CNOT1: variants seen among roughly 807,000 people sequenced by gnomAD.
CNOT1 encodes CCR4-NOT transcription complex subunit 1, also known as CCR4-associated factor 1.
A neutral mutation model predicts 273.8 loss-of-function variants in CNOT1; 15 were observed. The observed-to-expected ratio is 0.05, with a 90% CI of 0.04 to 0.08. The LOEUF (loss-of-function observed/expected upper bound fraction) is 0.08, where lower values mean the gene tolerates loss of function less well. Ranked by LOEUF, CNOT1 falls within the 10% of genes least tolerant of loss-of-function variation. The pLI is 1.00. For synonymous variants in CNOT1, 1,022 were observed against 1,005.5 expected, an observed-to-expected ratio of 1.02 and a Z score of -0.31; for missense variants, 1,644 against 2,912.2, an observed-to-expected ratio of 0.56 and a Z score of 10.02.
chr16:58,592,793 G>C (rs2042108835), intron 2 of CNOT1, among the ~76,000 whole-genome samples: 1 of 152,000 alleles, frequency 6.6e-6, no homozygotes, highest in South Asian at 2.1e-4. Context: ...TCCATTTAGA[G>C]ACCCACATCA....
chr16:58,586,454 GGGTGA>G (rs1281394156), intron 7 of CNOT1, 86 bp downstream of exon 7: 15 of 368,114 alleles, frequency 4.1e-5, no homozygotes, highest in Admixed American at 1.2e-4. Flanking sequence ...GAGGAGGGGA[GGGTGA>G]GGGGAGGGGA....
chr16:58,543,578 T>A, intron 31 of CNOT1, 29 bp downstream of exon 31: 1 of 1,614,146 alleles, frequency 6.2e-7, no homozygotes, highest in South Asian at 1.1e-5. Flanking sequence ...ATACGTTTTG[T>A]ACCTATACCA....
At chr16:58,539,284 A>C (rs752032007) in intron 35 of CNOT1, among the ~76,000 whole-genome samples, 1 of 152,074 alleles carries the variant, frequency 6.6e-6, no homozygotes, top group Non-Finnish European at 1.5e-5. Flanking sequence ...ACTTGAGCCC[A>C]GGAGATTGAG....
chr16:58,604,695 G>A (rs186129081), intron 1 of CNOT1, among the ~76,000 whole-genome samples: 2 of 151,216 alleles, frequency 1.3e-5, no homozygotes, highest in East Asian at 3.9e-4. Context: ...TACTTGGGAG[G>A]CTGAGGCAGA....
intron 1 of CNOT1, among the ~76,000 whole-genome samples, chr16:58,603,117 GATC>G (rs1174802127): frequency 6.6e-6 from 1 of 152,158 alleles, no homozygotes; most frequent in Non-Finnish European, 1.5e-5. Flanking sequence ...CTATGATAAG[GATC>G]ATCATATCTC....
chr16:58,582,381 G>A (rs983422525), intron 10 of CNOT1, among the ~76,000 whole-genome samples: 5 of 152,174 alleles, frequency 3.3e-5, no homozygotes, highest in Non-Finnish European at 7.3e-5. Flanking sequence ...AAAGGTGGGA[G>A]GATCACTAAC....
rs114432487 is a variant in CNOT1 at position 58,619,778 on chromosome 16, G to A, written c.-175+9950C>T. ...AAAAATTCAAATCTTGTTTCTAGTC[G>A]TCCAAAAAACTGCTGGGAAAAAAAC... On this transcript the variant is annotated intron_variant, in intron 1 of 48. Coordinates refer to ENST00000317147, the MANE Select transcript of CNOT1 (RefSeq NM_016284.5). Among the ~76,000 whole-genome samples the A allele has an allele frequency of 4.8e-3, 727 of 152,038 alleles. 10 individuals carry two copies. Among genetic ancestry groups the A allele is most frequent in the African/African-American group, 0.017 (687 of 41,460 alleles).
rs111343095 is a variant in CNOT1, at chr16:58,574,924, G to A, written c.1827+83C>T. The A allele has an allele frequency of 5.3e-4, 830 of 1,576,076 alleles. 5 individuals carry two copies. The African/African-American group carries it at 1.0e-2, about 19-fold the overall frequency. On this transcript the variant is annotated intron_variant, in intron 15 of 48. Transcript: ENST00000317147. Reference sequence around the variant, plus strand: ...AATTTTTCTTTAGTTTATTACTGCTGCACAAATTTTAAAAGTTGTACTTGA... The same window carrying A: ...AATTTTTCTTTAGTTTATTACTGCTACACAAATTTTAAAAGTTGTACTTGA...
At chr16:58,588,693 C>A (rs190519716) in intron 3 of CNOT1, 106 bp downstream of exon 3, 1 of 99,042 alleles carries the variant, frequency 1.0e-5, no homozygotes, top group Non-Finnish European at 1.5e-5. Flanking sequence ...CAGCTACAAT[C>A]ACTTCCGGAT....
intron 1 of CNOT1, among the ~76,000 whole-genome samples, chr16:58,611,704 C>G (rs2042906631): frequency 6.6e-6 from 1 of 151,656 alleles, no homozygotes; most frequent in Non-Finnish European, 1.5e-5. Context: ...ATCTGCAGTC[C>G]CAGCTACTCA....
chr16:58,566,923 GC>G (rs977269630), intron 16 of CNOT1, among the ~76,000 whole-genome samples: 18 of 152,168 alleles, frequency 1.2e-4, no homozygotes, highest in African/African-American at 4.1e-4. Flanking sequence ...GAGCCACCGC[GC>G]CCAGCCTAGT....
At position 58,542,586 on chromosome 16, in the gene CNOT1, T is replaced by TG. The variant is rs541944100; in HGVS notation, c.4435-19dup. The TG allele has an allele frequency of 0.05, 2,681 of 53,174 alleles. 9 individuals are homozygous for TG. Among genetic ancestry groups the TG allele is most frequent in the Non-Finnish European group, 0.071 (2,343 of 32,884 alleles). The allele number at this position is 53,174 out of a possible 1,614,324, so 3.3% of individuals were successfully genotyped here. The stretch of plus-strand genomic sequence containing the variant: ...GAAGCAGTCTATTAATGGAGGTGGG[T>TG]GGGGGGGTGGGGGGAATAGAAGGAA... On this transcript the variant is annotated intron_variant, in intron 31 of 48. Transcript: ENST00000317147.
chr16:58,559,949 G>A (rs772923004), intron 17 of CNOT1: 4 of 952,630 alleles, frequency 4.2e-6, no homozygotes, highest in East Asian at 7.0e-5. Context: ...AAGAGTCTAC[G>A]TAATTCATAT....
chr16:58,554,086 A>G (rs567986852), intron 21 of CNOT1, among the ~76,000 whole-genome samples: 39 of 152,324 alleles, frequency 2.6e-4, no homozygotes, highest in Admixed American at 2.4e-3. Context: ...TTTAAAGGCT[A>G]TATTTTACTT....
chr16:58,520,377 T>C lies in CNOT1; in HGVS notation c.*581A>G, dbSNP rs2039328802. On this transcript the variant is annotated 3_prime_UTR_variant, in exon 49 of 49. Transcript: ENST00000317147. ...AAATGCAGTCAGCTTTGGAATACGTTTGGGTAGAGACAAAATGGAAACTCA... is the reference window on the plus strand; with the variant it reads ...AAATGCAGTCAGCTTTGGAATACGTCTGGGTAGAGACAAAATGGAAACTCA... The C allele has an allele frequency of 6.5e-6, 1 of 154,114 alleles. No individual in the cohort carries two copies. The highest frequency in any genetic ancestry group is 2.0e-4 in the South Asian group (1 of 4,934). 9.5% of individuals were successfully genotyped at this position (154,114 alleles called of 1,614,324 possible).
intron 25 of CNOT1, 41 bp downstream of exon 25, chr16:58,549,678 T>C (rs1343685032): frequency 3.9e-6 from 6 of 1,553,960 alleles, no homozygotes; most frequent in African/African-American, 2.8e-5. Flanking sequence ...ATTTCCAAAT[T>C]CAAAGCAATA....
intron 1 of CNOT1, among the ~76,000 whole-genome samples, chr16:58,602,584 C>CAAAAAAA (rs2042514251): frequency 7.7e-6 from 1 of 129,138 alleles, no homozygotes; most frequent in African/African-American, 3.0e-5. Context: ...AAAACCCATC[C>CAAAAAAA]ATAAATTAGC....
At chr16:58,589,876 T>C (rs1316193000) in intron 2 of CNOT1, among the ~76,000 whole-genome samples, 1 of 152,220 alleles carries the variant, frequency 6.6e-6, no homozygotes, top group Non-Finnish European at 1.5e-5. Flanking sequence ...TGGCTATACA[T>C]GGTTTGTTCT....
At position 58,599,092 on chromosome 16, in the gene CNOT1, A is replaced by C. The variant is rs1597562091; in HGVS notation, c.102+144T>G. On this transcript the variant is annotated intron_variant, in intron 2 of 48. Transcript: ENST00000317147. ...AAAAGATTGGGCTAAGAGCTCTTTT[A>C]CAGATGATGATGACAGAAATCACTT... 10 of 881,548 alleles carry C rather than the reference A, an allele frequency of 1.1e-5. No individual in the cohort carries two copies. In the East Asian group the frequency reaches 2.7e-4, roughly 24 times the overall value. 54.6% of individuals were successfully genotyped at this position (881,548 alleles called of 1,614,324 possible). A position where few individuals can be genotyped will look rare whatever the true frequency, so the allele number is the denominator to read the frequency against.
Sources: allele counts gnomAD v4.1 joint callset (sites outside exome capture counted in the v4.1 genomes callset), GRCh38; gene constraint gnomAD v4.1.1; transcripts MANE v1.5; gene names NCBI Gene and HGNC (gene_info 2026-07-23, HGNC 2026-07-21).